The following PLEKHA7 variants were observed in gnomAD, a reference collection of about 807,000 sequenced individuals.
The protein encoded by PLEKHA7 is pleckstrin homology domain-containing family A member 7.
A neutral mutation model predicts 170.0 loss-of-function variants in PLEKHA7; 104 were observed. The observed-to-expected ratio is 0.61, with a 90% CI of 0.52 to 0.72. PLEKHA7 has a LOEUF of 0.72. Ranked by LOEUF, PLEKHA7 falls within the 30% of genes least tolerant of loss-of-function variation. The pLI is 0.00. For missense variants in PLEKHA7, 1,615 were observed against 1,671.7 expected (o/e 0.97, Z 0.59); for synonymous variants, 648 against 660.8 (o/e 0.98, Z 0.30).
rs147571057 is a variant in PLEKHA7 at position 16,918,404 on chromosome 11, G to GC, written c.222-47223dup. Among the ~76,000 whole-genome samples the GC allele has an allele frequency of 9.8e-3, 1,493 of 152,300 alleles. 28 individuals are homozygous for GC. The highest frequency in any genetic ancestry group is 0.034 in the African/African-American group (1,398 of 41,554). ...CCTAGGCTCACTCACCTTGTGGAAG[G>GC]CAGCAGGTGGCTATAAGGGGCAACT... On this transcript the variant is annotated intron_variant, in intron 3 of 26. Transcript: ENST00000531066.
rs141321499 is a variant in PLEKHA7 at position 16,794,646 on chromosome 11, G to A, written c.2587C>T (p.Pro863Ser). ...PSLSTSESKP[P>S]PQPSPPTSPV... is the part of the protein sequence containing the mutation. Reference sequence around the variant, plus strand: ...CTGGTGGGAGGACTGGGCTGTGGGGGCGGCTTGCTCTCAGAAGTTGAGAGT... The same window carrying A: ...CTGGTGGGAGGACTGGGCTGTGGGGACGGCTTGCTCTCAGAAGTTGAGAGT... Residue 863 changes from proline to serine, a missense_variant, in exon 19 of 27, where the codon CCC (proline) becomes TCC (serine). Physicochemically the swap from Pro to Ser is moderately conservative, Grantham distance 74. Transcript: ENST00000531066. 3 of 1,614,066 alleles carry A rather than the reference G, an allele frequency of 1.9e-6. No individual in the cohort carries two copies. Among genetic ancestry groups the A allele is most frequent in the Non-Finnish European group, 2.5e-6 (3 of 1,179,988 alleles).
Position 16,992,220 on chromosome 11 carries a change from C to G in PLEKHA7, c.221+21769G>C, listed in dbSNP as rs370833010. On this transcript the variant is annotated intron_variant, in intron 3 of 26. Coordinates refer to ENST00000531066, the MANE Select transcript of PLEKHA7 (RefSeq NM_001329630.2). ...GGATTCTCTCAGCAAGACTCACCACCCTGTGCCCCACTCCCCTCGCCACTG... is the reference window on the plus strand; with the variant it reads ...GGATTCTCTCAGCAAGACTCACCACGCTGTGCCCCACTCCCCTCGCCACTG... Among the ~76,000 whole-genome samples, 173 of 152,316 alleles carry G rather than the reference C, an allele frequency of 1.1e-3. 1 individual carries two copies. The highest frequency in any genetic ancestry group is 4.0e-3 in the African/African-American group (167 of 41,574).
At chr11:16,907,687 G>C (rs1857926485) in intron 3 of PLEKHA7, among the ~76,000 whole-genome samples, 1 of 133,566 alleles carries the variant, frequency 7.5e-6, no homozygotes. Flanking sequence ...CGGGAGGTGA[G>C]GGGCGCCTCT....
intron 10 of PLEKHA7, among the ~76,000 whole-genome samples, chr11:16,820,099 G>A (rs991771602): frequency 6.6e-6 from 1 of 152,070 alleles, no homozygotes; most frequent in African/African-American, 2.4e-5. Flanking sequence ...TAAAATGCTG[G>A]TTATCAGCCC....
At chr11:16,894,923 G>A (rs1001401941) in intron 3 of PLEKHA7, among the ~76,000 whole-genome samples, 2 of 152,064 alleles carry the variant, frequency 1.3e-5, no homozygotes, top group East Asian at 1.9e-4. Flanking sequence ...ATCTCATATC[G>A]TATTACCATC....
At chr11:16,957,726 C>G (rs1590717704) in intron 3 of PLEKHA7, among the ~76,000 whole-genome samples, 1 of 100,262 alleles carries the variant, frequency 1.0e-5, no homozygotes, top group Admixed American at 1.5e-4. Context: ...TTTTTTGAGA[C>G]AGAGTCTCGC....
rs1475637581 is a variant in PLEKHA7, at chr11:16,851,242, C to G, written c.645G>C (p.Val215=). Residue 215 remains valine (V), a synonymous_variant, in exon 8 of 27, where the codon GTG becomes GTC. Transcript: ENST00000531066. The stretch of plus-strand genomic sequence containing the variant: ...GATCCTCAGGGGCCACAGGAGAGAT[C>G]ACGTAGCTGGGCAAGGGGATGCTCC... ...VLGSIPLPSY[V]ISPVAPEDRI... The G allele has an allele frequency of 6.2e-7, 1 of 1,611,876 alleles. No homozygotes were observed. The highest frequency in any genetic ancestry group is 1.7e-5 in the Admixed American group (1 of 59,768).
intron 3 of PLEKHA7, among the ~76,000 whole-genome samples, chr11:16,945,815 G>C (rs1860994049): frequency 1.3e-5 from 2 of 152,236 alleles, no homozygotes; most frequent in Admixed American, 1.3e-4. Context: ...AAAGGCATCA[G>C]GGATCTGGGC....
intron 23 of PLEKHA7, chr11:16,786,666 T>A: frequency 8.1e-6 from 8 of 985,322 alleles, no homozygotes; most frequent in Non-Finnish European, 9.6e-6. Context: ...CCCAGGGAAA[T>A]AGAAGGCTCC....
chr11:17,009,893 T>A (rs1865222773), intron 3 of PLEKHA7, among the ~76,000 whole-genome samples: 1 of 151,988 alleles, frequency 6.6e-6, no homozygotes, highest in South Asian at 2.1e-4. Context: ...CCTCCCAAAG[T>A]GTGGAATTGC....
intron 3 of PLEKHA7, among the ~76,000 whole-genome samples, chr11:16,906,707 C>T (rs1387638506): frequency 3.6e-5 from 5 of 140,418 alleles, no homozygotes; most frequent in Non-Finnish European, 7.4e-5. Context: ...TGCCTTGGCC[C>T]CCCAAAGTGC....
At position 16,801,826 on chromosome 11, in the gene PLEKHA7, C is replaced by A. The variant is rs200245723; in HGVS notation, c.2158-9G>T. On this transcript the variant is annotated splice_polypyrimidine_tract_variant and intron_variant, in intron 15 of 26. Transcript: ENST00000531066. ...ACAGATTCTAGCTGGTCCTGCACCA[C>A]GAAGGGCCAAAAAACAGCAGGATAG... is the stretch of plus-strand genomic sequence containing the variant. The A allele has an allele frequency of 6.8e-5, 110 of 1,613,462 alleles. No individual in the cohort carries two copies. In the African/African-American group the frequency reaches 1.3e-3, roughly 19 times the overall value.
intron 6 of PLEKHA7, among the ~76,000 whole-genome samples, chr11:16,853,716 A>G (rs998486367): frequency 2.6e-5 from 4 of 152,236 alleles, no homozygotes; most frequent in Non-Finnish European, 5.9e-5. Flanking sequence ...TGAGAAAAAG[A>G]CAAGGGCAAA....
intron 3 of PLEKHA7, among the ~76,000 whole-genome samples, chr11:16,943,296 T>C (rs1449699548): frequency 6.6e-6 from 1 of 152,124 alleles, no homozygotes; most frequent in Admixed American, 6.6e-5. Flanking sequence ...GAACTCTGGG[T>C]GTATTTCACA....
intron 13 of PLEKHA7, among the ~76,000 whole-genome samples, chr11:16,810,041 G>A (rs139370946): frequency 4.7e-4 from 71 of 152,334 alleles, no homozygotes; most frequent in Admixed American, 1.1e-3. Context: ...TTCCCTGCCC[G>A]TGTGGAGGCA....
intron 3 of PLEKHA7, among the ~76,000 whole-genome samples, chr11:16,990,181 A>AAAAT (rs768106309): frequency 2.0e-5 from 3 of 151,384 alleles, no homozygotes; most frequent in Admixed American, 6.6e-5. Context: ...AATAAAAATA[A>AAAAT]AAATAAATAA....
intron 9 of PLEKHA7, among the ~76,000 whole-genome samples, chr11:16,834,937 T>C (rs1020845674): frequency 3.3e-5 from 5 of 152,082 alleles, no homozygotes; most frequent in Admixed American, 1.3e-4. Flanking sequence ...ATGTCTATCA[T>C]GGAATTCTGA....
At chr11:16,926,152 G>A (rs1055342955) in intron 3 of PLEKHA7, among the ~76,000 whole-genome samples, 3 of 152,238 alleles carry the variant, frequency 2.0e-5, no homozygotes, top group East Asian at 1.9e-4. Context: ...TTGCGGGAAC[G>A]GATTCTGACA....
intron 3 of PLEKHA7, among the ~76,000 whole-genome samples, chr11:16,999,037 AAC>A (rs1417683293): frequency 1.3e-5 from 2 of 152,142 alleles, no homozygotes; most frequent in East Asian, 3.9e-4. Context: ...CAAATCAACC[AAC>A]ACACACCTAT....
Sources: gnomAD v4.1 joint callset for allele counts (sites outside exome capture counted in the v4.1 genomes callset) on GRCh38, gnomAD v4.1.1 for gene constraint, MANE v1.5 for transcripts, NCBI Gene and HGNC (gene_info 2026-07-23, HGNC 2026-07-21) for gene names.